CEP20: variants seen among roughly 807,000 people sequenced by gnomAD.
CEP20 encodes centrosomal protein 20, also known as FGFR1OP N-terminal like.
Under a neutral mutation model 20.0 loss-of-function variants are expected in CEP20, and 18 were observed. The observed-to-expected ratio is 0.90, with a 90% CI of 0.62 to 1.34. The LOEUF (loss-of-function observed/expected upper bound fraction) is 1.34, where lower values mean the gene tolerates loss of function less well. Ranked by LOEUF, CEP20 falls within the 40% of genes most tolerant of loss-of-function variation. CEP20 has a pLI of 0.00. For synonymous variants in CEP20, 77 were observed against 73.7 expected (o/e 1.04, Z -0.23); for missense variants, 215 against 201.6 (o/e 1.07, Z -0.40).
At chr16:15,886,062 C>A (rs1015437494) in intron 1 of CEP20, 2 of 152,164 alleles carry the variant, frequency 1.3e-5, no homozygotes, top group East Asian at 3.9e-4. Flanking sequence ...GTAGGTGTCA[C>A]CTAGAAGGAT....
intron 3 of CEP20, among the ~76,000 whole-genome samples, chr16:15,874,406 C>T (rs532544351): frequency 1.3e-5 from 2 of 152,200 alleles, no homozygotes; most frequent in South Asian, 4.1e-4. Context: ...AAGGAGAAAA[C>T]CACAGCCAGG....
intron 1 of CEP20, chr16:15,885,177 ACG>A (rs1409745293): frequency 6.6e-6 from 1 of 151,574 alleles, no homozygotes; most frequent in Non-Finnish European, 1.5e-5. Flanking sequence ...GTGTGGTGGC[ACG>A]CACCTGTAGT....
intron 3 of CEP20, among the ~76,000 whole-genome samples, chr16:15,878,271 T>C (rs910469840): frequency 6.6e-6 from 1 of 152,102 alleles, no homozygotes; most frequent in Non-Finnish European, 1.5e-5. Flanking sequence ...AGTTGCAAAG[T>C]GTCTTCCAGG....
rs1171313901 is a variant in CEP20, at chr16:15,888,580, C to A, written c.6G>T (p.Ala2=). Residue 2 remains alanine (A), a synonymous_variant, in exon 1 of 5, where the codon GCG becomes GCT. Coordinates refer to ENST00000255759, the MANE Select transcript of CEP20 (RefSeq NM_144600.4). Reference sequence around the variant, plus strand: ...CACCAGCCTTCAACTCTGCCACAGTCGCCATTTTTCAACGGCCGCCAGGGC... The same window carrying A: ...CACCAGCCTTCAACTCTGCCACAGTAGCCATTTTTCAACGGCCGCCAGGGC... M[A]TVAELKAVLK... is the part of the protein sequence containing the mutation. 3.7e-6 allele frequency: 6 copies of A among 1,614,178 alleles called. No individual in the cohort carries two copies. Among genetic ancestry groups the A allele is most frequent in the Non-Finnish European group, 4.2e-6 (5 of 1,180,032 alleles).
chr16:15,884,212 G>A lies in CEP20; in HGVS notation c.29-7C>T, dbSNP rs760941095. Reference sequence around the variant, plus strand: ...TCCAAGGTGTCCTTTAAAACTGTTCGATATAAAATATTAAGGCTTCAGTTA... The same window carrying A: ...TCCAAGGTGTCCTTTAAAACTGTTCAATATAAAATATTAAGGCTTCAGTTA... On this transcript the variant is annotated splice_region_variant and splice_polypyrimidine_tract_variant and intron_variant, in intron 1 of 4. Coordinates refer to ENST00000255759, the MANE Select transcript of CEP20 (RefSeq NM_144600.4). 18 of 1,588,694 alleles carry A rather than the reference G, an allele frequency of 1.1e-5. No homozygotes were observed. Among genetic ancestry groups the A allele is most frequent in the South Asian group, 9.1e-5 (8 of 88,090 alleles).
At chr16:15,883,908 G>T in intron 2 of CEP20, 100 bp downstream of exon 2, 1 of 993,460 alleles carries the variant, frequency 1.0e-6, no homozygotes, top group Non-Finnish European at 1.5e-6. Flanking sequence ...CACCCAGATG[G>T]CACTATCTGG....
intron 2 of CEP20, among the ~76,000 whole-genome samples, chr16:15,881,049 T>A (rs952708963): frequency 6.6e-6 from 1 of 152,094 alleles, no homozygotes; most frequent in African/African-American, 2.4e-5. Context: ...AAATGGAGTA[T>A]GCTTGAATCA....
intron 3 of CEP20, among the ~76,000 whole-genome samples, chr16:15,875,986 T>C (rs899333962): frequency 6.6e-6 from 1 of 150,594 alleles, no homozygotes; most frequent in Non-Finnish European, 1.5e-5. Context: ...TAATCCCAGC[T>C]ACTCAGGAGG....
intron 3 of CEP20, among the ~76,000 whole-genome samples, chr16:15,878,166 C>A (rs1354942311): frequency 6.6e-6 from 1 of 152,016 alleles, no homozygotes. Flanking sequence ...AGGAAAGATG[C>A]TCCAATAGAA....
intron 3 of CEP20, among the ~76,000 whole-genome samples, chr16:15,878,272 G>A (rs1193985929): frequency 6.6e-6 from 1 of 152,110 alleles, no homozygotes; most frequent in Non-Finnish European, 1.5e-5. Context: ...GTTGCAAAGT[G>A]TCTTCCAGGC....
chr16:15,867,860 C>A (rs1280833521), intron 4 of CEP20, among the ~76,000 whole-genome samples: 1 of 151,384 alleles, frequency 6.6e-6, no homozygotes, highest in African/African-American at 2.4e-5. Context: ...GTAATCCCAG[C>A]TACTCGGGAG....
intron 4 of CEP20, among the ~76,000 whole-genome samples, chr16:15,868,244 G>C (rs2044733396): frequency 6.6e-6 from 1 of 151,942 alleles, no homozygotes; most frequent in Admixed American, 6.6e-5. Context: ...TCAGGAGATA[G>C]AGACCCTGTC....
At chr16:15,884,762 C>T (rs907678332) in intron 1 of CEP20, among the ~76,000 whole-genome samples, 4 of 152,094 alleles carry the variant, frequency 2.6e-5, no homozygotes, top group African/African-American at 9.7e-5. Flanking sequence ...CCTCAGCCTC[C>T]CAAAGTGTTG....
At chr16:15,871,030 A>C (rs546024828) in intron 4 of CEP20, among the ~76,000 whole-genome samples, 1 of 152,078 alleles carries the variant, frequency 6.6e-6, no homozygotes, top group Non-Finnish European at 1.5e-5. Flanking sequence ...TGGGAGGCCA[A>C]GGGGGGTGGA....
intron 4 of CEP20, among the ~76,000 whole-genome samples, chr16:15,870,095 T>G (rs1248341175): frequency 1.3e-5 from 2 of 152,144 alleles, no homozygotes; most frequent in African/African-American, 4.8e-5. Flanking sequence ...AATACCTTTC[T>G]CTCTATGGTG....
At position 15,866,448 on chromosome 16, in the gene CEP20, C is replaced by A. The variant is rs569329185; in HGVS notation, c.*992G>T. 2.6e-5 allele frequency: 4 copies of A among 152,286 alleles called. No homozygotes were observed. The highest frequency in any genetic ancestry group is 1.3e-4 in the Admixed American group (2 of 15,292). 9.4% of individuals were successfully genotyped at this position (152,286 alleles called of 1,614,324 possible). A position where few individuals can be genotyped will look rare whatever the true frequency, so the allele number is the denominator to read the frequency against. On this transcript the variant is annotated 3_prime_UTR_variant, in exon 5 of 5. Transcript: ENST00000255759. ...GTCTATCATCATAGTCAGTTGTTTT[C>A]AATGAAATGAGCCTGTGGACACTAC...
At chr16:15,871,353 C>T (rs951861854) in intron 4 of CEP20, among the ~76,000 whole-genome samples, 4 of 149,464 alleles carry the variant, frequency 2.7e-5, no homozygotes, top group Non-Finnish European at 6.0e-5. Context: ...GGGACACCTT[C>T]TATAAAAAGG....
chr16:15,883,380 G>C (rs1276730218), intron 2 of CEP20, among the ~76,000 whole-genome samples: 1 of 152,024 alleles, frequency 6.6e-6, no homozygotes, highest in Non-Finnish European at 1.5e-5. Context: ...AGAAAAAAGA[G>C]ACAGGGTCTC....
chr16:15,876,274 G>A (rs1172001896), intron 3 of CEP20, among the ~76,000 whole-genome samples: 12 of 151,198 alleles, frequency 7.9e-5, no homozygotes, highest in African/African-American at 2.2e-4. Flanking sequence ...TCAGGAGATC[G>A]AGACCATCCT....
Sources: gnomAD v4.1 joint callset for allele counts (sites outside exome capture counted in the v4.1 genomes callset) on GRCh38, gnomAD v4.1.1 for gene constraint, MANE v1.5 for transcripts, NCBI Gene and HGNC (gene_info 2026-07-23, HGNC 2026-07-21) for gene names.